The following C12orf42 variants were observed in gnomAD, a reference collection of about 807,000 sequenced individuals.
C12orf42 encodes the protein chromosome 12 open reading frame 42, also known as uncharacterized protein C12orf42.
A neutral mutation model predicts 21.6 loss-of-function variants in C12orf42; 25 were observed. That is an observed-to-expected ratio of 1.16 (90% CI 0.84 to 1.62). The LOEUF is 1.62. C12orf42 is among the 40% of genes most tolerant of loss of function. The pLI is 0.00. For synonymous variants in C12orf42, 174 were observed against 175.0 expected (o/e 0.99, Z 0.05); for missense variants, 483 against 459.3 (o/e 1.05, Z -0.47).
intron 10 of C12orf42, among the ~76,000 whole-genome samples, chr12:103,238,288 G>C (rs1177083700): frequency 2.0e-5 from 3 of 151,796 alleles, no homozygotes; most frequent in Non-Finnish European, 4.4e-5. Flanking sequence ...CAGCTGAATA[G>C]TTGCAACACA....
chr12:103,231,987 T>C, the C12orf42 span, among the ~76,000 whole-genome samples: 1 of 152,208 alleles, frequency 6.6e-6, no homozygotes, highest in Admixed American at 6.5e-5. Context: ...GTTGTCAGTG[T>C]TTCAGATTTG....
the C12orf42 span, among the ~76,000 whole-genome samples, chr12:103,211,824 A>G: frequency 6.6e-6 from 1 of 152,236 alleles, no homozygotes; most frequent in African/African-American, 2.4e-5. Flanking sequence ...GATAACTAAT[A>G]CACAGTGGCA....
At position 103,272,510 on chromosome 12, in the gene C12orf42, G is replaced by A. The variant is rs1332797236; in HGVS notation, n.399-2657C>T. Among the ~76,000 whole-genome samples, 4 of 152,094 alleles carry A rather than the reference G, an allele frequency of 2.6e-5. No individual in the cohort carries two copies. In the East Asian group the frequency reaches 7.7e-4, roughly 29 times the overall value. ...GAGTACATAACCATTATGTTGAGCT[G>A]CCCCTCATGAGAAACTGTTTTGAAA... On this transcript the variant is annotated intron_variant and non_coding_transcript_variant, in intron 5 of 6. Transcript: ENST00000546526.
intron 2 of C12orf42, among the ~76,000 whole-genome samples, chr12:103,466,652 C>G (rs555363470): frequency 6.6e-6 from 1 of 152,178 alleles, no homozygotes; most frequent in Admixed American, 6.5e-5. Flanking sequence ...AAAACATTAC[C>G]CCATGTGGTA....
At chr12:103,479,189 T>C (rs1031060179) in intron 1 of C12orf42, among the ~76,000 whole-genome samples, 1 of 152,140 alleles carries the variant, frequency 6.6e-6, no homozygotes, top group Non-Finnish European at 1.5e-5. Context: ...TAAATTGTTT[T>C]AAAAGATCTC....
intron 4 of C12orf42, among the ~76,000 whole-genome samples, chr12:103,335,868 G>C (rs973794820): frequency 3.3e-5 from 5 of 152,194 alleles, no homozygotes; most frequent in African/African-American, 7.2e-5. Flanking sequence ...ATGCGAATTA[G>C]CTCCAGACAC....
chr12:103,493,999 A>G (rs879472603), intron 1 of C12orf42, among the ~76,000 whole-genome samples: 1 of 152,246 alleles, frequency 6.6e-6, no homozygotes, highest in Non-Finnish European at 1.5e-5. Flanking sequence ...ACGAAGGCTC[A>G]AAATGAGTTA....
intron 2 of C12orf42, among the ~76,000 whole-genome samples, chr12:103,427,585 C>G (rs919848826): frequency 2.6e-5 from 4 of 152,158 alleles, no homozygotes; most frequent in Non-Finnish European, 5.9e-5. Context: ...AGAAAATTAA[C>G]AAGGATATTC....
At chr12:103,511,834 T>C in the C12orf42 span, among the ~76,000 whole-genome samples, 3 of 152,196 alleles carry the variant, frequency 2.0e-5, no homozygotes, top group Non-Finnish European at 4.4e-5. Flanking sequence ...AATCCCTAAA[T>C]ATATAAACGT....
intron 2 of C12orf42, among the ~76,000 whole-genome samples, chr12:103,419,364 G>T (rs1432244577): frequency 1.3e-5 from 2 of 152,154 alleles, no homozygotes; most frequent in African/African-American, 4.8e-5. Context: ...GCCAAAAGTG[G>T]TCCAAGATAG....
chr12:103,080,105 T>A, the C12orf42 span, among the ~76,000 whole-genome samples: 1 of 152,248 alleles, frequency 6.6e-6, no homozygotes, highest in East Asian at 1.9e-4. Flanking sequence ...TGACTTGAAG[T>A]GGGACTAGTG....
chr12:103,365,852 C>T (rs1227853069), intron 4 of C12orf42, among the ~76,000 whole-genome samples: 2 of 152,026 alleles, frequency 1.3e-5, no homozygotes, highest in African/African-American at 4.8e-5. Flanking sequence ...GAAACACATC[C>T]CATGTTCACA....
chr12:103,507,813 A>T, the C12orf42 span, among the ~76,000 whole-genome samples: 3 of 152,184 alleles, frequency 2.0e-5, no homozygotes, highest in African/African-American at 7.2e-5. Context: ...TAGGACCTGA[A>T]CATAGCATCA....
chr12:103,391,490 G>C (rs967029090), intron 3 of C12orf42, among the ~76,000 whole-genome samples: 2 of 151,948 alleles, frequency 1.3e-5, no homozygotes, highest in African/African-American at 4.8e-5. Context: ...ACCTCATCGT[G>C]GTTTTGATTT....
At chr12:103,490,354 G>A (rs1274916363) in intron 1 of C12orf42, among the ~76,000 whole-genome samples, 4 of 152,116 alleles carry the variant, frequency 2.6e-5, no homozygotes, top group Non-Finnish European at 5.9e-5. Context: ...AATTTGGAGA[G>A]TTATATAGGA....
chr12:103,157,570 T>G, the C12orf42 span, among the ~76,000 whole-genome samples: 1 of 152,366 alleles, frequency 6.6e-6, no homozygotes, highest in South Asian at 2.1e-4. Flanking sequence ...TGGTATTGCC[T>G]AGGCTTTCTA....
At chr12:103,524,650 A>G in the C12orf42 span, among the ~76,000 whole-genome samples, 4 of 152,192 alleles carry the variant, frequency 2.6e-5, no homozygotes, top group Admixed American at 1.3e-4. Flanking sequence ...CATTAAGTAA[A>G]CTGATCTGTC....
the C12orf42 span, among the ~76,000 whole-genome samples, chr12:103,136,560 A>C: frequency 6.6e-6 from 1 of 152,238 alleles, no homozygotes; most frequent in Non-Finnish European, 1.5e-5. Flanking sequence ...GAACCATAAA[A>C]TAACCTAAAT....
chr12:103,265,624 C>A (rs1328397341), downstream of C12orf42, among the ~76,000 whole-genome samples: 3 of 152,098 alleles, frequency 2.0e-5, no homozygotes, highest in Non-Finnish European at 4.4e-5. Flanking sequence ...GTGACAAAGA[C>A]AAGATGCTGA....
Sources: allele counts gnomAD v4.1 joint callset (sites outside exome capture counted in the v4.1 genomes callset), GRCh38; gene constraint gnomAD v4.1.1; transcripts MANE v1.5; gene names NCBI Gene and HGNC (gene_info 2026-07-23, HGNC 2026-07-21).